CDC14B: variants seen among roughly 807,000 people sequenced by gnomAD.
CDC14B encodes dual specificity protein phosphatase CDC14B.
In CDC14B, 22 loss-of-function variants were observed where a neutral mutation model predicts 64.2. The observed-to-expected ratio is 0.34, with a 90% CI of 0.24 to 0.49. The LOEUF (loss-of-function observed/expected upper bound fraction) is 0.49. CDC14B is among the 20% of genes least tolerant of loss of function. CDC14B has a pLI of 0.99. For synonymous variants in CDC14B, 191 were observed against 215.8 expected (o/e 0.89, Z 1.01); for missense variants, 498 against 629.9 (o/e 0.79, Z 2.24).
chr9:96,573,869 C>A (rs1264070025), intron 1 of CDC14B, among the ~76,000 whole-genome samples: 1 of 152,020 alleles, frequency 6.6e-6, no homozygotes, highest in Non-Finnish European at 1.5e-5. Flanking sequence ...ACAAGAAGGC[C>A]GGGTGCAGTG....
chr9:96,545,273 A>G (rs1050556793), intron 5 of CDC14B, among the ~76,000 whole-genome samples: 2 of 152,114 alleles, frequency 1.3e-5, no homozygotes, highest in Non-Finnish European at 2.9e-5. Flanking sequence ...TAAACCCTCA[A>G]GTTGGATCCC....
chr9:96,562,717 A>G lies in CDC14B; in HGVS notation c.396T>C (p.Ala132=), dbSNP rs1311023981. Residue 132 remains alanine (A), a synonymous_variant, in exon 4 of 14, where the codon GCT becomes GCC. Coordinates refer to ENST00000375241, the MANE Select transcript of CDC14B (RefSeq NM_033331.4). ...CCATGTAGCATCCAACAAGGAAGGC[A>G]GCATTTGCTTGTTTTCTCTGATCAG... ...TGSDQRKQAN[A]AFLVGCYMVI... 1 of 1,610,876 alleles carries G rather than the reference A, an allele frequency of 6.2e-7. No homozygotes were observed. The highest frequency in any genetic ancestry group is 8.5e-7 in the Non-Finnish European group (1 of 1,177,070).
At chr9:96,587,241 C>T (rs141708371) in intron 1 of CDC14B, among the ~76,000 whole-genome samples, 59 of 152,256 alleles carry the variant, frequency 3.9e-4, no homozygotes, top group African/African-American at 1.2e-3. Context: ...CCTAAAACAT[C>T]ACCATCCAAA....
downstream of CDC14B, among the ~76,000 whole-genome samples, chr9:96,497,126 G>A (rs1167909940): frequency 6.6e-6 from 1 of 152,184 alleles, no homozygotes; most frequent in Non-Finnish European, 1.5e-5. Flanking sequence ...CCTCCCACGC[G>A]GAGTCGTCTA....
rs1173660028 is a variant in CDC14B, at chr9:96,562,733, C to T, written c.380G>A (p.Arg127Lys). The change falls in exon 4 of 14, where the codon AGA becomes AAA. Residue 127 changes from arginine (R) to lysine (K), a missense_variant. Arg to Lys is a conservative substitution (Grantham distance 26). Coordinates refer to ENST00000375241, the MANE Select transcript of CDC14B (RefSeq NM_033331.4). ...KIVHFTGSDQ[R>K]KQANAAFLVG... ...AAGGAAGGCAGCATTTGCTTGTTTT[C>T]TCTGATCAGAGCCAGTAAAATGAAC... 1.2e-6 allele frequency: 2 copies of T among 1,612,462 alleles called. No individual in the cohort carries two copies. The highest frequency in any genetic ancestry group is 2.7e-5 in the African/African-American group (2 of 74,884).
intron 1 of CDC14B, among the ~76,000 whole-genome samples, chr9:96,583,941 A>C (rs1441086906): frequency 1.3e-5 from 2 of 151,822 alleles, no homozygotes; most frequent in Non-Finnish European, 2.9e-5. Context: ...GATGGTCTCG[A>C]TCTCCTGACC....
intron 4 of CDC14B, among the ~76,000 whole-genome samples, chr9:96,560,298 C>T (rs1842977832): frequency 6.6e-6 from 1 of 152,186 alleles, no homozygotes; most frequent in Non-Finnish European, 1.5e-5. Context: ...CTTCAGCCAT[C>T]CAGACTTTGT....
intron 12 of CDC14B, among the ~76,000 whole-genome samples, chr9:96,512,153 G>C (rs1304676009): frequency 6.6e-6 from 1 of 151,108 alleles, no homozygotes; most frequent in Non-Finnish European, 1.5e-5. Flanking sequence ...GGGAGGTCAA[G>C]ACTGCAGTGA....
chr9:96,567,885 A>T (rs566363295), intron 1 of CDC14B, among the ~76,000 whole-genome samples: 1 of 152,336 alleles, frequency 6.6e-6, no homozygotes, highest in East Asian at 1.9e-4. Context: ...CCATGATGTG[A>T]TTATTGTGCA....
At chr9:96,539,308 C>T (rs532493713) in intron 6 of CDC14B, among the ~76,000 whole-genome samples, 168 bp from the exon 7 acceptor site, 12 of 152,202 alleles carry the variant, frequency 7.9e-5, no homozygotes, top group African/African-American at 2.9e-4. Context: ...CTTCTAAGTG[C>T]TTCTTTTATA....
intron 9 of CDC14B, among the ~76,000 whole-genome samples, chr9:96,526,368 A>G (rs1409241646): frequency 6.6e-6 from 1 of 152,150 alleles, no homozygotes; most frequent in Non-Finnish European, 1.5e-5. Context: ...ACTCCATCTC[A>G]AAAAAATAAA....
intron 4 of CDC14B, among the ~76,000 whole-genome samples, chr9:96,559,298 CAG>C (rs1842868689): frequency 1.3e-5 from 2 of 152,160 alleles, no homozygotes; most frequent in Non-Finnish European, 1.5e-5. Context: ...TAAAAATAAA[CAG>C]AGTCAGTCTA....
intron 1 of CDC14B, among the ~76,000 whole-genome samples, chr9:96,594,891 A>G (rs1287901989): frequency 6.6e-6 from 1 of 152,004 alleles, no homozygotes; most frequent in Non-Finnish European, 1.5e-5. Flanking sequence ...GGTGGCTCAC[A>G]CCTGTAATCC....
intron 4 of CDC14B, among the ~76,000 whole-genome samples, chr9:96,557,898 T>C (rs1842689109): frequency 2.0e-5 from 3 of 152,254 alleles, no homozygotes; most frequent in Admixed American, 2.0e-4. Flanking sequence ...TTACACAAAA[T>C]GCTTGGCATT....
chr9:96,594,587 C>T (rs1232989412), intron 1 of CDC14B, among the ~76,000 whole-genome samples: 1 of 151,886 alleles, frequency 6.6e-6, no homozygotes, highest in Non-Finnish European at 1.5e-5. Flanking sequence ...TGTGGTGATG[C>T]ATGCCTGTAA....
rs931125911 is a variant in CDC14B, at chr9:96,526,713, G to A, written c.947-2988C>T. Among the ~76,000 whole-genome samples, 4 of 152,240 alleles carry A rather than the reference G, an allele frequency of 2.6e-5. No individual in the cohort carries two copies. The East Asian group carries it at 5.8e-4, about 22-fold the overall frequency. On this transcript the variant is annotated intron_variant, in intron 9 of 13. Coordinates refer to ENST00000375241, the MANE Select transcript of CDC14B (RefSeq NM_033331.4). ...TTTAATTGGTCATCATTCTATTTCA[G>A]GGTATCTCAACCTCAGCAGTACTAA...
At chr9:96,545,609 C>A (rs896836417) in intron 5 of CDC14B, among the ~76,000 whole-genome samples, 6 of 152,088 alleles carry the variant, frequency 3.9e-5, no homozygotes, top group Non-Finnish European at 8.8e-5. Flanking sequence ...TGAGCCACTG[C>A]GCCTGGCTTG....
intron 5 of CDC14B, among the ~76,000 whole-genome samples, chr9:96,544,205 G>A (rs537086180): frequency 3.4e-4 from 51 of 152,116 alleles, no homozygotes; most frequent in Admixed American, 4.6e-4. Context: ...GTGACAGAGC[G>A]AGACTCCCAT....
intron 13 of CDC14B, among the ~76,000 whole-genome samples, chr9:96,505,561 A>T (rs912695154): frequency 1.3e-5 from 2 of 152,232 alleles, no homozygotes; most frequent in African/African-American, 4.8e-5. Flanking sequence ...AGAGCTCTTC[A>T]GAGAGGTCAT....
Sources: allele counts gnomAD v4.1 joint callset (sites outside exome capture counted in the v4.1 genomes callset), GRCh38; gene constraint gnomAD v4.1.1; transcripts MANE v1.5; gene names NCBI Gene and HGNC (gene_info 2026-07-23, HGNC 2026-07-21).